The following PRKG1 variants were observed in gnomAD, a reference collection of about 807,000 sequenced individuals.
PRKG1 encodes protein kinase cGMP-dependent 1.
PRKG1 carries 35 observed loss-of-function variants against 88.1 expected under a neutral mutation model. The observed-to-expected ratio is 0.40, with a 90% CI of 0.30 to 0.53. The LOEUF is 0.53. Among genes scored for constraint, PRKG1 ranks in the 20% least tolerant of loss-of-function variants. The probability of loss-of-function intolerance (pLI) is 0.59; values close to 1 mark genes in which losing one functional copy is unlikely to be tolerated. For synonymous variants in PRKG1, 303 were observed against 292.5 expected (o/e 1.04, Z -0.37); for missense variants, 540 against 839.8 (o/e 0.64, Z 4.41).
At chr10:51,562,797 C>T (rs780332195) in intron 3 of PRKG1, among the ~76,000 whole-genome samples, 2 of 152,068 alleles carry the variant, frequency 1.3e-5, no homozygotes, top group Admixed American at 1.3e-4. Flanking sequence ...GAGACAGAGT[C>T]TCATTCTGTC....
chr10:51,618,956 T>TA (rs1839137325), intron 3 of PRKG1, among the ~76,000 whole-genome samples: 1 of 149,404 alleles, frequency 6.7e-6, no homozygotes, highest in Non-Finnish European at 1.5e-5. Flanking sequence ...TTTTTTTTTT[T>TA]AGTAGGGACA....
intron 5 of PRKG1, among the ~76,000 whole-genome samples, chr10:51,988,766 GT>G (rs1844227493): frequency 6.6e-6 from 1 of 151,946 alleles, no homozygotes; most frequent in Non-Finnish European, 1.5e-5. Flanking sequence ...ATCTTTGCCA[GT>G]TATGGGTGTG....
chr10:51,347,338 G>A (rs1294556329), intron 2 of PRKG1, among the ~76,000 whole-genome samples: 11 of 152,058 alleles, frequency 7.2e-5, no homozygotes, highest in Admixed American at 1.3e-4. Context: ...TTTTAACGAC[G>A]GAAAAGCTTA....
rs766402901 is a variant in PRKG1 at position 52,280,979 on chromosome 10, GT to G, written c.1545+52del. ...TCTGCCCTGCAGATTAAAAATATTT[GT>G]TTATAAAACTGTGTTCATTTGCTAA... On this transcript the variant is annotated intron_variant, in intron 13 of 17. Coordinates refer to ENST00000373980, the MANE Select transcript of PRKG1 (RefSeq NM_006258.4). The G allele has an allele frequency of 2.6e-6, 4 of 1,566,876 alleles. No individual in the cohort carries two copies. In the Admixed American group the frequency reaches 5.5e-5, roughly 22 times the overall value.
intron 7 of PRKG1, among the ~76,000 whole-genome samples, chr10:52,089,804 C>CTTTTTTTTTTTTT (rs397846439): frequency 1.9e-4 from 13 of 67,734 alleles, no homozygotes; most frequent in African/African-American, 4.7e-4. Context: ...TTCTTTCCTT[C>CTTTTTTTTTTTTT]TTTTTTTTTT....
chr10:52,196,079 C>T (rs1839496832), intron 9 of PRKG1, among the ~76,000 whole-genome samples: 1 of 152,084 alleles, frequency 6.6e-6, no homozygotes, highest in Non-Finnish European at 1.5e-5. Flanking sequence ...GTGGCACGAT[C>T]TCGGCTCACT....
chr10:51,595,134 T>G (rs1203145354), intron 3 of PRKG1, among the ~76,000 whole-genome samples: 1 of 151,940 alleles, frequency 6.6e-6, no homozygotes, highest in Non-Finnish European at 1.5e-5. Flanking sequence ...ATTGCTTGGG[T>G]CCAGCAGCTC....
intron 2 of PRKG1, among the ~76,000 whole-genome samples, chr10:51,246,927 C>CA (rs1330041385): frequency 6.6e-6 from 1 of 151,952 alleles, no homozygotes; most frequent in Non-Finnish European, 1.5e-5. Flanking sequence ...TGGCAGCTAA[C>CA]AAAATGAAAC....
chr10:51,527,474 A>T (rs1190627120), intron 3 of PRKG1, among the ~76,000 whole-genome samples: 1 of 152,180 alleles, frequency 6.6e-6, no homozygotes, highest in Non-Finnish European at 1.5e-5. Context: ...ATTTTGAAGC[A>T]TATATAGGAA....
chr10:51,992,381 T>TA lies in PRKG1; in HGVS notation c.763-62093dup, dbSNP rs572326447. 5.0e-3 allele frequency among the ~76,000 whole-genome samples: 758 copies of TA among 150,918 alleles called. 2 individuals carry two copies. The highest frequency in any genetic ancestry group is 7.2e-3 in the Admixed American group (109 of 15,098). On this transcript the variant is annotated intron_variant, in intron 5 of 17. Transcript: ENST00000373980. ...TCTTTAACAGTTTTCATTTCCTTTT[T>TA]AAAAAAAAAATCTTTAATGTATTGT...
intron 3 of PRKG1, among the ~76,000 whole-genome samples, chr10:51,556,739 G>A (rs1426389332): frequency 1.3e-5 from 2 of 151,952 alleles, no homozygotes; most frequent in African/African-American, 4.8e-5. Flanking sequence ...AGGCAGGAGG[G>A]GGATCATTGG....
chr10:51,239,521 A>G (rs1187091881), intron 2 of PRKG1, among the ~76,000 whole-genome samples: 1 of 152,186 alleles, frequency 6.6e-6, no homozygotes, highest in Non-Finnish European at 1.5e-5. Flanking sequence ...CACATTTAAT[A>G]ATGTGTGAAA....
At chr10:51,659,381 G>A (rs74132548) in intron 3 of PRKG1, among the ~76,000 whole-genome samples, 2,655 of 152,174 alleles carry the variant, frequency 0.017, 87 homozygotes, top group African/African-American at 0.061. Flanking sequence ...CAGAGGACAG[G>A]TAGGATTTTT....
intron 5 of PRKG1, among the ~76,000 whole-genome samples, chr10:52,042,865 C>A (rs750572324): frequency 6.6e-6 from 1 of 152,020 alleles, no homozygotes; most frequent in Non-Finnish European, 1.5e-5. Flanking sequence ...GAAACTCAAA[C>A]AATCCAACAG....
chr10:52,163,828 GTAGA>G (rs1838351098), intron 9 of PRKG1, among the ~76,000 whole-genome samples: 1 of 152,120 alleles, frequency 6.6e-6, no homozygotes, highest in Non-Finnish European at 1.5e-5. Flanking sequence ...ACAATTAGAG[GTAGA>G]TATGGCAACA....
At chr10:51,379,609 G>A (rs1343043446) in intron 2 of PRKG1, among the ~76,000 whole-genome samples, 2 of 152,146 alleles carry the variant, frequency 1.3e-5, no homozygotes, top group African/African-American at 4.8e-5. Flanking sequence ...TTATTCTTAT[G>A]ACATTCACAT....
intron 1 of PRKG1, among the ~76,000 whole-genome samples, chr10:51,079,773 T>C (rs1470878100): frequency 6.6e-6 from 1 of 152,144 alleles, no homozygotes; most frequent in African/African-American, 2.4e-5. Context: ...TCAGCTTTCT[T>C]ACCCCCACCA....
chr10:51,523,810 T>A (rs541394293), intron 3 of PRKG1, among the ~76,000 whole-genome samples: 12 of 152,214 alleles, frequency 7.9e-5, no homozygotes, highest in Non-Finnish European at 1.8e-4. Flanking sequence ...ATGATCACTT[T>A]GCAATTGTCT....
intron 3 of PRKG1, among the ~76,000 whole-genome samples, chr10:51,651,851 G>A (rs1191074524): frequency 1.3e-5 from 2 of 151,968 alleles, no homozygotes; most frequent in Admixed American, 6.6e-5. Context: ...CAAAGTGCTG[G>A]GATTACAGGT....
Sources: gnomAD v4.1 joint callset for allele counts (sites outside exome capture counted in the v4.1 genomes callset) on GRCh38, gnomAD v4.1.1 for gene constraint, MANE v1.5 for transcripts, NCBI Gene and HGNC (gene_info 2026-07-23, HGNC 2026-07-21) for gene names.